OPTN: variants seen among roughly 807,000 people sequenced by gnomAD.
OPTN encodes the protein optineurin.
In OPTN, 54 loss-of-function variants were observed where a neutral mutation model predicts 70.4. That is an observed-to-expected ratio of 0.77 (90% CI 0.62 to 0.96). The LOEUF is 0.96. Ranked by LOEUF, OPTN falls within the 40% of genes least tolerant of loss-of-function variation. The pLI is 0.00. For missense variants in OPTN, 624 were observed against 673.2 expected (o/e 0.93, Z 0.81); for synonymous variants, 256 against 248.5 (o/e 1.03, Z -0.28).
chr10:13,115,343 T>C (rs1833154513), intron 5 of OPTN, among the ~76,000 whole-genome samples: 3 of 105,284 alleles, frequency 2.8e-5, no homozygotes, highest in African/African-American at 1.2e-4. Flanking sequence ...TATTATACAA[T>C]TATATAATTG....
intron 6 of OPTN, among the ~76,000 whole-genome samples, chr10:13,118,135 G>A (rs758452900): frequency 6.6e-6 from 1 of 152,174 alleles, no homozygotes; most frequent in East Asian, 1.9e-4. Flanking sequence ...TGTGAGTATC[G>A]TAATTAGTTT....
intron 1 of OPTN, among the ~76,000 whole-genome samples, chr10:13,102,199 G>A (rs769793194): frequency 6.6e-6 from 1 of 152,216 alleles, no homozygotes; most frequent in Non-Finnish European, 1.5e-5. Context: ...AGGCAAGGAC[G>A]CAGAGACAGA....
intron 8 of OPTN, 64 bp from the exon 9 acceptor site, chr10:13,123,931 A>G: frequency 4.1e-6 from 5 of 1,210,612 alleles, no homozygotes; most frequent in African/African-American, 1.5e-5. Flanking sequence ...GTTTTCTCCT[A>G]AAGAGGTTTG....
At position 13,136,810 on chromosome 10, in the gene OPTN, G is replaced by A. The variant is rs1293716537; in HGVS notation, c.1678G>A (p.Glu560Lys). ...IPIHSCPKCG[E>K]VLPDIDTLQI... ...GATTCATTCCTGCCCCAAGTGTGGA[G>A]AGGTTCTGCCTGACATAGACACGTT... Residue 560 changes from glutamate to lysine, a missense_variant, in exon 15 of 15, where the codon GAG (glutamate) becomes AAG (lysine). By Grantham distance (56) the Glu-to-Lys change is moderately conservative (BLOSUM62 1). Transcript: ENST00000378747. 9 of 1,614,118 alleles carry A rather than the reference G, an allele frequency of 5.6e-6. No homozygotes were observed. In the Admixed American group the frequency reaches 1.5e-4, roughly 27 times the overall value.
intron 4 of OPTN, among the ~76,000 whole-genome samples, chr10:13,111,292 T>G (rs1301534382): frequency 6.6e-6 from 1 of 152,238 alleles, no homozygotes. Context: ...TGATATCAGA[T>G]TATTCCAGCA....
intron 13 of OPTN, among the ~76,000 whole-genome samples, chr10:13,132,408 A>G (rs1833612943): frequency 6.6e-6 from 1 of 152,112 alleles, no homozygotes; most frequent in African/African-American, 2.4e-5. Context: ...CATGTTCCCA[A>G]CACTTAGTTT....
At chr10:13,110,505 T>G (rs1588434508) in intron 4 of OPTN, 29 bp downstream of exon 4, 4 of 29,436 alleles carry the variant, frequency 1.4e-4, no homozygotes, top group Non-Finnish European at 4.1e-4. Context: ...TGTGATGTTG[T>G]TTTTTTTTTT....
At chr10:13,117,864 AAAGT>A (rs1196961845) in intron 6 of OPTN, among the ~76,000 whole-genome samples, 2 of 152,230 alleles carry the variant, frequency 1.3e-5, no homozygotes, top group Admixed American at 6.5e-5. Flanking sequence ...TATAAGGAAG[AAAGT>A]AAGTATTAGA....
At chr10:13,134,131 G>T (rs927211514) in intron 14 of OPTN, among the ~76,000 whole-genome samples, 10 of 152,130 alleles carry the variant, frequency 6.6e-5, no homozygotes, top group African/African-American at 2.4e-4. Context: ...TTTAAACCGT[G>T]TCTCCCTCTG....
At chr10:13,117,301 C>T (rs894219620) in intron 6 of OPTN, among the ~76,000 whole-genome samples, 2 of 151,686 alleles carry the variant, frequency 1.3e-5, no homozygotes, top group Non-Finnish European at 2.9e-5. Context: ...AGGATGGTCT[C>T]GATCTCCTGA....
Position 13,123,051 on chromosome 10 carries a change from T to A in OPTN, c.882+564T>A, listed in dbSNP as rs886078608. Reference sequence around the variant, plus strand: ...TTGACTGATTTCTTCTCCTCGGTCCTTCAATGAACAAGCCTACTGTAGGAA... The same window carrying A: ...TTGACTGATTTCTTCTCCTCGGTCCATCAATGAACAAGCCTACTGTAGGAA... On this transcript the variant is annotated intron_variant, in intron 8 of 14. Coordinates refer to ENST00000378747, the MANE Select transcript of OPTN (RefSeq NM_001008212.2). 5 of 160,848 alleles carry A rather than the reference T, an allele frequency of 3.1e-5. No homozygotes were observed. The East Asian group carries it at 8.7e-4, about 28-fold the overall frequency. The allele number at this position is 160,848 out of a possible 1,614,324, so 10.0% of individuals were successfully genotyped here. A position where few individuals can be genotyped will look rare whatever the true frequency, so the allele number is the denominator to read the frequency against.
In OPTN at chr10:13,109,251, G is replaced by A. The variant is rs1832940248; in HGVS notation, c.129G>A (p.Gln43=). 3 of 1,613,888 alleles carry A rather than the reference G, an allele frequency of 1.9e-6. No individual in the cohort carries two copies. In the South Asian group the frequency reaches 3.3e-5, roughly 18 times the overall value. ...DTFTPEELLQ[Q]MKELLTENHQ... ...TTACCCCGGAGGAGCTGCTGCAGCA[G>A]ATGAAAGAGCTCCTGACCGAGAACC... is the stretch of plus-strand genomic sequence containing the variant. Residue 43 remains glutamine, a synonymous_variant, in exon 3 of 15, where the codon CAG becomes CAA. Coordinates refer to ENST00000378747, the MANE Select transcript of OPTN (RefSeq NM_001008212.2).
rs751309917 is a variant in OPTN, at chr10:13,123,997, T to C, written c.885T>C (p.Val295=). Residue 295 remains valine (V), a splice_region_variant and synonymous_variant, in exon 9 of 15, where the codon GTT becomes GTC. Coordinates refer to ENST00000378747, the MANE Select transcript of OPTN (RefSeq NM_001008212.2). ...GTTTGGGATTTCCCGTATGATAGGT[T>C]GGAAGCGAAGTGGAAGCACTGAACC... The part of the protein sequence containing the change: ...ENDEEKGPET[V]GSEVEALNLQ... 7 of 1,610,600 alleles carry C rather than the reference T, an allele frequency of 4.3e-6. No individual in the cohort carries two copies. Among genetic ancestry groups the C allele is most frequent in the Admixed American group, 3.3e-5 (2 of 59,976 alleles).
chr10:13,114,614 A>G (rs1833080888), intron 5 of OPTN, among the ~76,000 whole-genome samples: 1 of 149,872 alleles, frequency 6.7e-6, no homozygotes, highest in Non-Finnish European at 1.5e-5. Flanking sequence ...CATCAAAAAT[A>G]TCTAGAACCC....
chr10:13,114,773 TATA>T (rs1833090925), intron 5 of OPTN, among the ~76,000 whole-genome samples: 3 of 103,820 alleles, frequency 2.9e-5, no homozygotes, highest in African/African-American at 1.1e-4. Flanking sequence ...TATATAATTA[TATA>T]ATTATATAAT....
Position 13,125,962 on chromosome 10 carries a change from C to A in OPTN, c.1165C>A (p.Leu389Ile). The change falls in exon 11 of 15, where the codon CTA (leucine) becomes ATA (isoleucine). Residue 389 changes from leucine to isoleucine, a missense_variant. Physicochemically the swap from Leu to Ile is conservative, Grantham distance 5. Transcript: ENST00000378747. ...TEDEKSKLTV[L>I]QMTHNKLLQE... ...TTTTAATAGGTCCAAATTAACTGTG[C>A]TACAGATGACACACAACAAGCTTCT... The A allele has an allele frequency of 6.2e-7, 1 of 1,609,074 alleles. No homozygotes were observed. Among genetic ancestry groups the A allele is most frequent in the Non-Finnish European group, 8.5e-7 (1 of 1,175,556 alleles).
At position 13,125,548 on chromosome 10, in the gene OPTN, G is replaced by A; in HGVS notation, c.1129G>A (p.Ala377Thr). 1 of 1,614,156 alleles carries A rather than the reference G, an allele frequency of 6.2e-7. No homozygotes were observed. Among genetic ancestry groups the A allele is most frequent in the Non-Finnish European group, 8.5e-7 (1 of 1,180,008 alleles). ...GCTATCAGAAATCAAAATGGAACAG[G>A]CTAAAACAGAGGATGAAAAGTGAGT... is the stretch of plus-strand genomic sequence containing the variant. Reference protein sequence around the residue: ...SMLSEIKMEQAKTEDEKSKLT... With the variant: ...SMLSEIKMEQTKTEDEKSKLT... The change falls in exon 10 of 15, where the codon GCT becomes ACT. Residue 377 changes from alanine to threonine, a missense_variant. Coordinates refer to ENST00000378747, the MANE Select transcript of OPTN (RefSeq NM_001008212.2).
intron 14 of OPTN, among the ~76,000 whole-genome samples, chr10:13,135,875 CATACCTTGAAACTGGG>C (rs1833688071): frequency 6.6e-6 from 1 of 152,152 alleles, no homozygotes; most frequent in African/African-American, 2.4e-5. Context: ...TGTATTTTCG[CATACCTTGAAACTGGG>C]ATACAGTTTA....
At chr10:13,116,550 C>T (rs891812130) in intron 6 of OPTN, 8 of 620,674 alleles carry the variant, frequency 1.3e-5, no homozygotes, top group Admixed American at 6.7e-5. Context: ...CTGTTTGGCT[C>T]ACACTGACTG....
Sources: gnomAD v4.1 joint callset for allele counts (sites outside exome capture counted in the v4.1 genomes callset) on GRCh38, gnomAD v4.1.1 for gene constraint, MANE v1.5 for transcripts, NCBI Gene and HGNC (gene_info 2026-07-23, HGNC 2026-07-21) for gene names.